Variants in ARHGAP24 observed in about 807,000 individuals in gnomAD.
The protein encoded by ARHGAP24 is rho GTPase-activating protein 24.
In ARHGAP24, 50 loss-of-function variants were observed where a neutral mutation model predicts 76.4. The observed-to-expected ratio is 0.65, with a 90% CI of 0.52 to 0.83. ARHGAP24 has a LOEUF of 0.83. Among genes scored for constraint, ARHGAP24 ranks in the 40% least tolerant of loss-of-function variants. The probability of loss-of-function intolerance (pLI) is 0.00; values close to 1 mark genes in which losing one functional copy is unlikely to be tolerated. For missense variants in ARHGAP24, 930 were observed against 914.2 expected (o/e 1.02, Z -0.22); for synonymous variants, 345 against 323.3 (o/e 1.07, Z -0.72).
chr4:85,510,512 TC>T (rs1452694054), intron 1 of ARHGAP24, among the ~76,000 whole-genome samples: 1 of 129,868 alleles, frequency 7.7e-6, no homozygotes, highest in Non-Finnish European at 1.6e-5. Context: ...CCCTCCCCTC[TC>T]CCCCTCACTC....
intron 3 of ARHGAP24, among the ~76,000 whole-genome samples, chr4:85,796,189 A>T (rs1728332013): frequency 6.9e-6 from 1 of 145,928 alleles, no homozygotes; most frequent in East Asian, 2.1e-4. Flanking sequence ...CCCACAGTTT[A>T]GTTTTATACC....
intron 3 of ARHGAP24, among the ~76,000 whole-genome samples, chr4:85,850,814 C>A (rs1189610101): frequency 6.6e-6 from 1 of 152,108 alleles, no homozygotes; most frequent in East Asian, 1.9e-4. Flanking sequence ...GTCTGAGAGA[C>A]GGTTTGTTGT....
intron 2 of ARHGAP24, among the ~76,000 whole-genome samples, chr4:85,630,898 T>C (rs1002298414): frequency 6.6e-6 from 1 of 152,104 alleles, no homozygotes; most frequent in Non-Finnish European, 1.5e-5. Context: ...TATTAAATAG[T>C]TAGTCTTTGT....
At chr4:85,524,626 G>A (rs1292088724) in intron 1 of ARHGAP24, among the ~76,000 whole-genome samples, 4 of 152,186 alleles carry the variant, frequency 2.6e-5, no homozygotes. Flanking sequence ...AAGAGATGGA[G>A]TTAGGATTTA....
At chr4:85,996,648 T>A (rs1480454528) in intron 9 of ARHGAP24, among the ~76,000 whole-genome samples, 1 of 152,222 alleles carries the variant, frequency 6.6e-6, no homozygotes, top group Non-Finnish European at 1.5e-5. Flanking sequence ...AATTACTTCC[T>A]TGGAAAGTAT....
At chr4:85,623,624 G>A (rs932858767) in intron 2 of ARHGAP24, among the ~76,000 whole-genome samples, 2 of 151,800 alleles carry the variant, frequency 1.3e-5, no homozygotes, top group Non-Finnish European at 2.9e-5. Flanking sequence ...CCAATTCTGT[G>A]AAGAAAGTCA....
At chr4:85,976,956 T>C (rs1316182646) in intron 7 of ARHGAP24, among the ~76,000 whole-genome samples, 1 of 152,004 alleles carries the variant, frequency 6.6e-6, no homozygotes, top group East Asian at 1.9e-4. Context: ...CTCGTTTTTG[T>C]ATTTTTTTTA....
intron 1 of ARHGAP24, among the ~76,000 whole-genome samples, chr4:85,483,150 C>T (rs1463719104): frequency 6.6e-6 from 1 of 152,120 alleles, no homozygotes; most frequent in Non-Finnish European, 1.5e-5. Context: ...AATATCAATA[C>T]AAGTTAATAG....
At chr4:85,860,686 A>C (rs986173459) in intron 3 of ARHGAP24, among the ~76,000 whole-genome samples, 3 of 152,062 alleles carry the variant, frequency 2.0e-5, no homozygotes, top group African/African-American at 7.2e-5. Flanking sequence ...GTGCAATACA[A>C]AATAATTTGT....
rs564948340 is a variant in ARHGAP24, at chr4:85,535,653, C to A, written c.-20-34869C>A. ...TATTGGCCATCAAATTCTTCTCAACCTTCTTTCCCTCTTCTGCACTCTAAC... is the reference window on the plus strand; with the variant it reads ...TATTGGCCATCAAATTCTTCTCAACATTCTTTCCCTCTTCTGCACTCTAAC... On this transcript the variant is annotated intron_variant, in intron 1 of 9. Coordinates refer to ENST00000395184, the MANE Select transcript of ARHGAP24 (RefSeq NM_001025616.3). 5.9e-5 allele frequency among the ~76,000 whole-genome samples: 9 copies of A among 152,288 alleles called. No homozygotes were observed. In the South Asian group the frequency reaches 1.5e-3, roughly 25 times the overall value.
At chr4:85,986,742 C>A (rs1740027815) in intron 8 of ARHGAP24, among the ~76,000 whole-genome samples, 1 of 152,078 alleles carries the variant, frequency 6.6e-6, no homozygotes, top group South Asian at 2.1e-4. Context: ...GGGAATTTAC[C>A]AGAGATGCTT....
intron 2 of ARHGAP24, among the ~76,000 whole-genome samples, chr4:85,632,516 C>A (rs1484336306): frequency 6.6e-6 from 1 of 151,260 alleles, no homozygotes; most frequent in Non-Finnish European, 1.5e-5. Context: ...TAACAAGAAC[C>A]TAAGGTAGCT....
At chr4:85,864,265 TG>T (rs531785467) in intron 3 of ARHGAP24, among the ~76,000 whole-genome samples, 172 of 152,230 alleles carry the variant, frequency 1.1e-3, no homozygotes, top group African/African-American at 3.9e-3. Context: ...AGGACTCCCA[TG>T]GCCTTGCTGT....
Position 85,533,710 on chromosome 4 carries a change from G to A in ARHGAP24, c.-20-36812G>A, listed in dbSNP as rs762718125. 1.4e-4 allele frequency among the ~76,000 whole-genome samples: 21 copies of A among 151,954 alleles called. 1 individual carries two copies. The highest frequency in any genetic ancestry group is 2.9e-4 in the Non-Finnish European group (20 of 67,980). On this transcript the variant is annotated intron_variant, in intron 1 of 9. Coordinates refer to ENST00000395184, the MANE Select transcript of ARHGAP24 (RefSeq NM_001025616.3). Reference sequence around the variant, plus strand: ...GTCAGTTGCCACAGAAAAAAATAAAGATGCTATCACTAACATAATTTTGTT... The same window carrying A: ...GTCAGTTGCCACAGAAAAAAATAAAAATGCTATCACTAACATAATTTTGTT...
At chr4:85,916,276 T>C (rs573079840) in intron 3 of ARHGAP24, among the ~76,000 whole-genome samples, 1 of 152,264 alleles carries the variant, frequency 6.6e-6, no homozygotes, top group African/African-American at 2.4e-5. Flanking sequence ...TTTTCTCTTG[T>C]AGTTTATTTA....
chr4:85,843,623 G>T (rs1417219355), intron 3 of ARHGAP24, among the ~76,000 whole-genome samples: 1 of 151,932 alleles, frequency 6.6e-6, no homozygotes, highest in Non-Finnish European at 1.5e-5. Flanking sequence ...AACGTATTTT[G>T]TGTGTGATTT....
chr4:85,549,322 G>A (rs1468811923), intron 1 of ARHGAP24, among the ~76,000 whole-genome samples: 7 of 149,422 alleles, frequency 4.7e-5, no homozygotes, highest in East Asian at 1.9e-4. Flanking sequence ...ATTTGGTATT[G>A]TCAGTCTTTT....
At chr4:85,941,686 C>G (rs2148824859) in intron 4 of ARHGAP24, among the ~76,000 whole-genome samples, 1 of 152,168 alleles carries the variant, frequency 6.6e-6, no homozygotes, top group Non-Finnish European at 1.5e-5. Context: ...TAGAATTTGA[C>G]TATTTTCTGC....
chr4:85,942,489 A>AT (rs971113773), intron 5 of ARHGAP24: 225 of 533,238 alleles, frequency 4.2e-4, no homozygotes, highest in Non-Finnish European at 6.7e-4. Flanking sequence ...ATCTTAAAAC[A>AT]TTTTTTTTGT....
Sources: allele counts gnomAD v4.1 joint callset (sites outside exome capture counted in the v4.1 genomes callset), GRCh38; gene constraint gnomAD v4.1.1; transcripts MANE v1.5; gene names NCBI Gene and HGNC (gene_info 2026-07-23, HGNC 2026-07-21).